RARB: variants seen among roughly 807,000 people sequenced by gnomAD.
The protein encoded by RARB is HBV-activated protein.
A neutral mutation model predicts 51.9 loss-of-function variants in RARB; 17 were observed. The ratio of observed to expected loss-of-function variants is 0.33; its 90% CI spans 0.22 to 0.49. The LOEUF (loss-of-function observed/expected upper bound fraction) is 0.49. Ranked by LOEUF, RARB falls within the 20% of genes least tolerant of loss-of-function variation. RARB has a pLI of 0.99. For missense variants in RARB, 369 were observed against 550.8 expected, an observed-to-expected ratio of 0.67 and a Z score of 3.30; for synonymous variants, 215 against 195.4, an observed-to-expected ratio of 1.10 and a Z score of -0.84.
intron 4 of RARB, among the ~76,000 whole-genome samples, chr3:25,162,891 G>C (rs1700495153): frequency 6.6e-6 from 1 of 152,136 alleles, no homozygotes; most frequent in Admixed American, 6.5e-5. Context: ...ATTTGTGTAC[G>C]AGGTTTTATG....
chr3:25,074,745 T>C (rs1399584193), intron 3 of RARB, among the ~76,000 whole-genome samples: 1 of 152,204 alleles, frequency 6.6e-6, no homozygotes, highest in Non-Finnish European at 1.5e-5. Flanking sequence ...ATGAAACAGA[T>C]ACCAAGGAAA....
chr3:25,066,777 T>C (rs1245459564), intron 3 of RARB, among the ~76,000 whole-genome samples: 5 of 152,098 alleles, frequency 3.3e-5, no homozygotes, highest in African/African-American at 1.2e-4. Context: ...ATAAAAATTA[T>C]CTTTGTTAAT....
chr3:25,278,708 G>A (rs988653067), intron 5 of RARB, among the ~76,000 whole-genome samples: 10 of 152,092 alleles, frequency 6.6e-5, no homozygotes, highest in Non-Finnish European at 1.2e-4. Flanking sequence ...TAGCAGCCCC[G>A]TTACAAGGCA....
At chr3:25,077,196 T>C (rs895113134) in intron 3 of RARB, among the ~76,000 whole-genome samples, 2 of 152,326 alleles carry the variant, frequency 1.3e-5, no homozygotes, top group East Asian at 1.9e-4. Flanking sequence ...ACCAAGTGCA[T>C]TGGAGCATTA....
In RARB at chr3:24,900,858, G is replaced by C. The variant is rs114664223; in HGVS notation, c.-380+42106G>C. ...AAAGTTGGGTGATTATAATAGGAAGGAATATGAGAGAATAAATAATATAAC... is the reference window on the plus strand; with the variant it reads ...AAAGTTGGGTGATTATAATAGGAAGCAATATGAGAGAATAAATAATATAAC... On this transcript the variant is annotated intron_variant, in intron 2 of 11. Transcript: ENST00000383772. Among the ~76,000 whole-genome samples, 342 of 152,132 alleles carry C rather than the reference G, an allele frequency of 2.2e-3. 3 individuals are homozygous for C. The highest frequency in any genetic ancestry group is 4.1e-3 in the Admixed American group (62 of 15,272).
At chr3:25,150,242 T>G (rs1700262543) in intron 4 of RARB, among the ~76,000 whole-genome samples, 1 of 151,790 alleles carries the variant, frequency 6.6e-6, no homozygotes. Flanking sequence ...CTGATACGCA[T>G]AGCATGATGA....
intron 3 of RARB, among the ~76,000 whole-genome samples, chr3:25,087,687 TATTC>T (rs773234772): frequency 1.2e-4 from 19 of 152,146 alleles, no homozygotes; most frequent in Non-Finnish European, 2.4e-4. Flanking sequence ...TTAGAATTGT[TATTC>T]ATTCTCTCAC....
intron 5 of RARB, among the ~76,000 whole-genome samples, chr3:25,235,289 T>C (rs888858735): frequency 3.9e-5 from 6 of 152,160 alleles, no homozygotes; most frequent in African/African-American, 1.4e-4. Context: ...CTAGTGGATT[T>C]ACCCCATCTT....
chr3:25,578,365 T>A (rs914735645), intron 4 of RARB, among the ~76,000 whole-genome samples: 7 of 152,232 alleles, frequency 4.6e-5, no homozygotes, highest in Admixed American at 1.3e-4. Flanking sequence ...CTGTGCATTA[T>A]TTTTAATAGA....
chr3:25,499,195 C>G (rs138943322), intron 2 of RARB, among the ~76,000 whole-genome samples: 11 of 152,312 alleles, frequency 7.2e-5, no homozygotes, highest in African/African-American at 2.2e-4. Context: ...TGTGCTTTAG[C>G]TTTGAACGTT....
intron 3 of RARB, among the ~76,000 whole-genome samples, chr3:25,557,094 G>A (rs1329696469): frequency 3.3e-5 from 5 of 151,030 alleles, no homozygotes. Context: ...AAACTTGAAA[G>A]AAGTTCTCCT....
chr3:25,484,197 G>A (rs1041625030), intron 2 of RARB, among the ~76,000 whole-genome samples: 1 of 152,172 alleles, frequency 6.6e-6, no homozygotes, highest in African/African-American at 2.4e-5. Context: ...CTAATTTAGA[G>A]TGGGAATTTT....
chr3:25,528,635 T>C (rs1212605011), intron 3 of RARB, among the ~76,000 whole-genome samples: 3 of 151,966 alleles, frequency 2.0e-5, no homozygotes, highest in African/African-American at 7.2e-5. Context: ...GCAGTCTCCT[T>C]CCCCTTACCT....
intron 2 of RARB, among the ~76,000 whole-genome samples, chr3:24,899,614 C>T (rs186592191): frequency 3.7e-4 from 56 of 152,136 alleles, no homozygotes; most frequent in African/African-American, 1.3e-3. Context: ...AGGATAAATT[C>T]CAGACTAATA....
At chr3:25,074,473 C>T (rs1269856961) in intron 3 of RARB, among the ~76,000 whole-genome samples, 1 of 152,236 alleles carries the variant, frequency 6.6e-6, no homozygotes, top group Non-Finnish European at 1.5e-5. Context: ...ACTTGTTCTC[C>T]CTCAGTGTCT....
intron 5 of RARB, among the ~76,000 whole-genome samples, chr3:25,592,767 G>A (rs778872310): frequency 3.3e-5 from 5 of 152,278 alleles, no homozygotes; most frequent in East Asian, 1.9e-4. Flanking sequence ...TTTAGGGTTC[G>A]GTTGAAATGC....
chr3:25,477,602 C>T (rs1198617939), intron 2 of RARB, among the ~76,000 whole-genome samples: 1 of 152,184 alleles, frequency 6.6e-6, no homozygotes, highest in East Asian at 1.9e-4. Context: ...TATGCAACAT[C>T]TCCTTTTTAT....
At chr3:25,446,692 A>G (rs1391452238) in intron 1 of RARB, among the ~76,000 whole-genome samples, 1 of 148,964 alleles carries the variant, frequency 6.7e-6, no homozygotes, top group Non-Finnish European at 1.5e-5. Flanking sequence ...AGTCCCAGCT[A>G]CTTGGGAGGC....
intron 5 of RARB, among the ~76,000 whole-genome samples, chr3:25,379,066 A>G (rs2125477671): frequency 6.6e-6 from 1 of 152,286 alleles, no homozygotes; most frequent in African/African-American, 2.4e-5. Context: ...AGGCAACATA[A>G]GTTGTTGGGG....
Sources: allele counts gnomAD v4.1 joint callset (sites outside exome capture counted in the v4.1 genomes callset), GRCh38; gene constraint gnomAD v4.1.1; transcripts MANE v1.5; gene names NCBI Gene and HGNC (gene_info 2026-07-23, HGNC 2026-07-21).